INVS: variants seen among roughly 807,000 people sequenced by gnomAD.
INVS encodes the protein inversion of embryo turning homolog.
INVS carries 86 observed loss-of-function variants against 108.8 expected under a neutral mutation model. The ratio of observed to expected loss-of-function variants is 0.79; its 90% CI spans 0.66 to 0.95. INVS has a LOEUF of 0.95. INVS is among the 40% of genes least tolerant of loss of function. The pLI, the probability that INVS is intolerant of heterozygous loss-of-function variation, is 0.00. For missense variants in INVS, 1,169 were observed against 1,297.4 expected (o/e 0.90, Z 1.52); for synonymous variants, 455 against 473.5 (o/e 0.96, Z 0.51).
At chr9:100,294,535 C>T (rs938619443) in intron 14 of INVS, among the ~76,000 whole-genome samples, 6 of 152,152 alleles carry the variant, frequency 3.9e-5, no homozygotes, top group Non-Finnish European at 7.3e-5. Flanking sequence ...ACCAGGAAGC[C>T]ATCATGACAG....
chr9:100,266,859 T>C (rs1043424219), intron 11 of INVS, among the ~76,000 whole-genome samples: 1 of 152,026 alleles, frequency 6.6e-6, no homozygotes, highest in Non-Finnish European at 1.5e-5. Context: ...CCACCACCCA[T>C]TCTTTCTATT....
chr9:100,254,887 C>T (rs1311284217), intron 10 of INVS, among the ~76,000 whole-genome samples: 4 of 152,116 alleles, frequency 2.6e-5, no homozygotes, highest in African/African-American at 9.7e-5. Context: ...TTAGGATTGT[C>T]TTGGCAATGC....
chr9:100,182,328 A>G (rs1372351187), intron 3 of INVS, among the ~76,000 whole-genome samples: 1 of 152,226 alleles, frequency 6.6e-6, no homozygotes, highest in Non-Finnish European at 1.5e-5. Context: ...GTGAACAGGC[A>G]ACCTATAAAA....
chr9:100,155,254 A>C (rs846767), intron 3 of INVS, among the ~76,000 whole-genome samples: 150,556 of 152,062 alleles, frequency 0.99, 74,538 homozygotes, highest in Middle Eastern at 1. Flanking sequence ...AGATTGATAG[A>C]CAAATAAAAC....
chr9:100,125,364 C>T (rs756226913), intron 2 of INVS, among the ~76,000 whole-genome samples: 11 of 152,240 alleles, frequency 7.2e-5, no homozygotes, highest in South Asian at 4.1e-4. Context: ...TTACCTGCCT[C>T]CCAGTCTTTT....
rs988951534 is a variant in INVS at position 100,137,325 on chromosome 9, C to A, written c.273+10776C>A. Among the ~76,000 whole-genome samples the A allele has an allele frequency of 5.3e-5, 8 of 152,252 alleles. 1 individual carries two copies. The East Asian group carries it at 1.5e-3, about 29-fold the overall frequency. ...GGGGACCACTGCTGCTCCTCTCACACCTCCCCAGACCCTAACACCCTTGGT... is the reference window on the plus strand; with the variant it reads ...GGGGACCACTGCTGCTCCTCTCACAACTCCCCAGACCCTAACACCCTTGGT... On this transcript the variant is annotated intron_variant, in intron 3 of 16. Transcript: ENST00000262457.
chr9:100,259,175 G>A (rs1832526137), intron 10 of INVS, among the ~76,000 whole-genome samples: 3 of 152,178 alleles, frequency 2.0e-5, no homozygotes, highest in African/African-American at 7.2e-5. Context: ...TCAGACTGCT[G>A]TGCTAGCAGT....
At chr9:100,250,166 G>C (rs1450854902) in intron 8 of INVS, among the ~76,000 whole-genome samples, 1 of 152,040 alleles carries the variant, frequency 6.6e-6, no homozygotes, top group Admixed American at 6.5e-5. Context: ...GAAAAGTGCT[G>C]TAAGTTTATA....
At chr9:100,293,934 G>A (rs1833706532) in intron 14 of INVS, among the ~76,000 whole-genome samples, 1 of 152,190 alleles carries the variant, frequency 6.6e-6, no homozygotes, top group African/African-American at 2.4e-5. Flanking sequence ...AGGCCGAGGA[G>A]GGAGGATCAC....
chr9:100,200,486 G>A (rs762280647), intron 3 of INVS, among the ~76,000 whole-genome samples: 13 of 152,142 alleles, frequency 8.5e-5, no homozygotes, highest in Non-Finnish European at 1.9e-4. Flanking sequence ...CTTGTTGAGT[G>A]TCTCGGTTTT....
chr9:100,237,643 C>T (rs1198181206), intron 5 of INVS, among the ~76,000 whole-genome samples: 2 of 152,074 alleles, frequency 1.3e-5, no homozygotes, highest in Non-Finnish European at 2.9e-5. Context: ...CCAGGTGAGG[C>T]GATGCCCTAC....
intron 12 of INVS, among the ~76,000 whole-genome samples, chr9:100,275,968 CCTT>C (rs1833101020): frequency 6.6e-6 from 1 of 152,100 alleles, no homozygotes; most frequent in South Asian, 2.1e-4. Flanking sequence ...TGTTGATCAC[CCTT>C]CTTCCCTGAA....
chr9:100,251,885 G>A (rs2118556934), intron 8 of INVS, among the ~76,000 whole-genome samples: 1 of 152,314 alleles, frequency 6.6e-6, no homozygotes, highest in Non-Finnish European at 1.5e-5. Context: ...AGGGGCATAT[G>A]CTTATTGAGT....
chr9:100,106,706 C>A (rs944039504), intron 2 of INVS, among the ~76,000 whole-genome samples: 1 of 152,074 alleles, frequency 6.6e-6, no homozygotes, highest in Non-Finnish European at 1.5e-5. Context: ...TACTGCCAGG[C>A]CTTGGTTCTT....
At chr9:100,181,537 A>G (rs1448051966) in intron 3 of INVS, among the ~76,000 whole-genome samples, 1 of 152,188 alleles carries the variant, frequency 6.6e-6, no homozygotes, top group East Asian at 1.9e-4. Flanking sequence ...AGAATAAAAT[A>G]CCTAGGAATA....
chr9:100,168,538 G>A (rs945530201), intron 3 of INVS, among the ~76,000 whole-genome samples: 3 of 152,134 alleles, frequency 2.0e-5, no homozygotes, highest in Non-Finnish European at 2.9e-5. Flanking sequence ...AATAGCTGTC[G>A]TTGTCATGAG....
At chr9:100,107,009 TC>T (rs562023154) in intron 2 of INVS, among the ~76,000 whole-genome samples, 261 of 152,302 alleles carry the variant, frequency 1.7e-3, no homozygotes, top group African/African-American at 5.9e-3. Context: ...AAACCAAGAT[TC>T]TTGGGCCAGC....
rs556890763 is a variant in INVS, at chr9:100,221,305, A to G, written c.274-4757A>G. On this transcript the variant is annotated intron_variant, in intron 3 of 16. Coordinates refer to ENST00000262457, the MANE Select transcript of INVS (RefSeq NM_014425.5). ...AAAGATTGAATTTGCATACAGGACAATTTTTTTTTTTTTTTTGAGACAGGG... is the reference window on the plus strand; with the variant it reads ...AAAGATTGAATTTGCATACAGGACAGTTTTTTTTTTTTTTTTGAGACAGGG... Among the ~76,000 whole-genome samples, 307 of 145,476 alleles carry G rather than the reference A, an allele frequency of 2.1e-3. 1 individual carries two copies. The highest frequency in any genetic ancestry group is 6.4e-3 in the South Asian group (29 of 4,540).
chr9:100,232,493 G>A (rs929399401), intron 5 of INVS, among the ~76,000 whole-genome samples: 9 of 152,056 alleles, frequency 5.9e-5, no homozygotes, highest in South Asian at 2.1e-4. Context: ...TAGGTCTTAC[G>A]TTTAAGTCTT....
Sources: allele counts gnomAD v4.1 joint callset (sites outside exome capture counted in the v4.1 genomes callset), GRCh38; gene constraint gnomAD v4.1.1; transcripts MANE v1.5; gene names NCBI Gene and HGNC (gene_info 2026-07-23, HGNC 2026-07-21).